The following RFT1 variants were observed in gnomAD, a reference collection of about 807,000 sequenced individuals.
The protein encoded by RFT1 is RFT1 glycolipid translocator homolog, also known as man(5)GlcNAc(2)-PP-dolichol translocation protein RFT1.
RFT1 carries 43 observed loss-of-function variants against 62.2 expected under a neutral mutation model. The ratio of observed to expected loss-of-function variants is 0.69; its 90% CI spans 0.54 to 0.89. The LOEUF is 0.89. Ranked by LOEUF, RFT1 falls within the 40% of genes least tolerant of loss-of-function variation. RFT1 has a pLI of 0.00. For missense variants in RFT1, 605 were observed against 649.9 expected (o/e 0.93, Z 0.75); for synonymous variants, 262 against 264.6 (o/e 0.99, Z 0.10).
At chr3:53,070,244 C>T in the RFT1 span, among the ~76,000 whole-genome samples, 14 of 151,884 alleles carry the variant, frequency 9.2e-5, no homozygotes, top group East Asian at 3.9e-4. Flanking sequence ...AGTGAGACCT[C>T]GTCTCTTGAA....
chr3:53,071,742 C>T, the RFT1 span, among the ~76,000 whole-genome samples: 3 of 152,188 alleles, frequency 2.0e-5, no homozygotes, highest in African/African-American at 7.2e-5. Context: ...CTGCTCAGGC[C>T]TTCCCCAGGG....
the RFT1 span, among the ~76,000 whole-genome samples, chr3:53,072,907 C>G: frequency 2.6e-5 from 4 of 152,246 alleles, no homozygotes; most frequent in African/African-American, 9.6e-5. Context: ...AGGAGCCCAC[C>G]GCCCTCTCTG....
rs1364052034 is a variant in RFT1, at chr3:53,090,512, A to G, written c.*1391T>C. The stretch of plus-strand genomic sequence containing the variant: ...AAAGCATTCTCCCTCTGAGTAGATA[A>G]AAACCTGCCAGGTGACTGGGCCCCA... On this transcript the variant is annotated 3_prime_UTR_variant, in exon 13 of 13. Coordinates refer to ENST00000296292, the MANE Select transcript of RFT1 (RefSeq NM_052859.4). The G allele has an allele frequency of 6.6e-6, 1 of 152,206 alleles. No homozygotes were observed. Among genetic ancestry groups the G allele is most frequent in the Non-Finnish European group, 1.5e-5 (1 of 68,044 alleles). The allele number at this position is 152,206 out of a possible 1,614,324, so 9.4% of individuals were successfully genotyped here.
chr3:53,115,384 C>A (rs991778488), intron 6 of RFT1, among the ~76,000 whole-genome samples: 4 of 152,142 alleles, frequency 2.6e-5, no homozygotes, highest in African/African-American at 9.7e-5. Context: ...TAAGAGACGG[C>A]AAGCTCCTCA....
At chr3:53,109,972 T>A (rs543220949) in intron 7 of RFT1, among the ~76,000 whole-genome samples, 22 of 152,172 alleles carry the variant, frequency 1.4e-4, no homozygotes, top group Admixed American at 2.6e-4. Flanking sequence ...CTAATGGCAC[T>A]CTGCCAGTCA....
At chr3:53,097,408 C>A (rs1238067365) in intron 11 of RFT1, among the ~76,000 whole-genome samples, 2 of 152,210 alleles carry the variant, frequency 1.3e-5, no homozygotes. Context: ...AGGTGAGTTA[C>A]CCCACATGGG....
Position 53,122,371 on chromosome 3 carries a change from G to C in RFT1, c.456+3C>G, listed in dbSNP as rs1296088581. On this transcript the variant is annotated splice_donor_region_variant and intron_variant, in intron 4 of 12. Transcript: ENST00000296292. ...TCCCATTCACAGCAGAAGGTGCACT[G>C]ACCTTGAGCTTCACAAACATATGTG... 2 of 1,613,446 alleles carry C rather than the reference G, an allele frequency of 1.2e-6. No homozygotes were observed. The highest frequency in any genetic ancestry group is 2.2e-5 in the South Asian group (2 of 91,054).
chr3:53,128,982 T>TC (rs1431353857), intron 1 of RFT1, among the ~76,000 whole-genome samples: 1 of 152,226 alleles, frequency 6.6e-6, no homozygotes, highest in Non-Finnish European at 1.5e-5. Flanking sequence ...TGACTCGTAG[T>TC]CCAGTGTGTT....
the RFT1 span, among the ~76,000 whole-genome samples, chr3:53,079,013 T>C: frequency 1.3e-5 from 2 of 152,356 alleles, no homozygotes; most frequent in Non-Finnish European, 2.9e-5. Context: ...GGGATCGGAA[T>C]ACAGTTCCGG....
chr3:53,107,814 C>G (rs1701530340), intron 7 of RFT1, among the ~76,000 whole-genome samples: 2 of 152,088 alleles, frequency 1.3e-5, no homozygotes, highest in South Asian at 2.1e-4. Context: ...GTGCCCACGC[C>G]CTGAAGGGCA....
the RFT1 span, among the ~76,000 whole-genome samples, chr3:53,067,082 C>A: frequency 3.0e-4 from 46 of 152,224 alleles, 1 homozygote; most frequent in Admixed American, 2.7e-3. Context: ...AATCCCAGCA[C>A]TTTGGGAGGC....
intron 7 of RFT1, among the ~76,000 whole-genome samples, chr3:53,110,013 A>G (rs1242704174): frequency 1.3e-5 from 2 of 152,094 alleles, no homozygotes; most frequent in African/African-American, 4.8e-5. Context: ...CCAACCATGG[A>G]GCAGGCTCCT....
In RFT1 at chr3:53,104,006, T is replaced by G. The variant is rs148627975; in HGVS notation, c.1049A>C (p.Tyr350Ser). ...GTAGATATCCAGAGCCAGCTGAGAA[T>G]AGGCAAAGCCAAAAACAGTGATGGT... ...GLTITVFGFAYSQLALDIYGG... is the reference protein window; with the variant it reads ...GLTITVFGFASSQLALDIYGG... Residue 350 changes from tyrosine to serine, a missense_variant, in exon 10 of 13, where the codon TAT becomes TCT. By Grantham distance (144) the Tyr-to-Ser change is moderately radical. Transcript: ENST00000296292. 1 of 1,614,188 alleles carries G rather than the reference T, an allele frequency of 6.2e-7. No individual in the cohort carries two copies. The highest frequency in any genetic ancestry group is 1.1e-5 in the South Asian group (1 of 91,084).
At chr3:53,108,441 G>A (rs1304696261) in intron 7 of RFT1, among the ~76,000 whole-genome samples, 1 of 147,524 alleles carries the variant, frequency 6.8e-6, no homozygotes, top group African/African-American at 2.5e-5. Flanking sequence ...CCAGACTGGA[G>A]TGCAGTGGCA....
the RFT1 span, among the ~76,000 whole-genome samples, chr3:53,074,973 G>C: frequency 6.6e-6 from 1 of 152,156 alleles, no homozygotes; most frequent in Non-Finnish European, 1.5e-5. Flanking sequence ...CTGGGCCCCA[G>C]CCCCAGAGTG....
rs201362371 is a variant in RFT1 at position 53,123,888 on chromosome 3, AGAGAACTTCTGG to A, written c.150-60_150-49del. 1,548 of 1,477,120 alleles carry A rather than the reference AGAGAACTTCTGG, an allele frequency of 1.0e-3. 35 individuals carry two copies. In the East Asian group the frequency reaches 0.034, roughly 33 times the overall value. 91.5% of individuals were successfully genotyped at this position (1,477,120 alleles called of 1,614,324 possible). A position where few individuals can be genotyped will look rare whatever the true frequency, so the allele number is the denominator to read the frequency against. On this transcript the variant is annotated intron_variant, in intron 2 of 12. Coordinates refer to ENST00000296292, the MANE Select transcript of RFT1 (RefSeq NM_052859.4). ...AATAAGGTCTCAAGTTTTTTCATAGAGAGAACTTCTGGGATTTTTCCAGCAACAGGGAGGAGA... is the reference window on the plus strand; with the variant it reads ...AATAAGGTCTCAAGTTTTTTCATAGAGATTTTTCCAGCAACAGGGAGGAGA...
rs778572697 is a variant in RFT1 at position 53,106,805 on chromosome 3, G to A, written c.826+14C>T. The A allele has an allele frequency of 6.3e-7, 1 of 1,588,448 alleles. No homozygotes were observed. ...GTTCACCTTTAATTAAAACACTACA[G>A]AATTTCATCTTACCCTGATCACCAA... On this transcript the variant is annotated intron_variant, in intron 8 of 12. Coordinates refer to ENST00000296292, the MANE Select transcript of RFT1 (RefSeq NM_052859.4).
At position 53,089,248 on chromosome 3, in the gene RFT1, A is replaced by G. The variant is rs148022607; in HGVS notation, c.*2655T>C. The G allele has an allele frequency of 0.013, 2,003 of 152,542 alleles. 130 individuals are homozygous for G. In the South Asian group the frequency reaches 0.18, roughly 14 times the overall value. The allele number at this position is 152,542 out of a possible 1,614,324, so 9.4% of individuals were successfully genotyped here. On this transcript the variant is annotated 3_prime_UTR_variant, in exon 13 of 13. Coordinates refer to ENST00000296292, the MANE Select transcript of RFT1 (RefSeq NM_052859.4). Reference sequence around the variant, plus strand: ...CCAGAGCCAGAAGTTGCCATCAGGTAAGCATTAAACAGCACAGCAGCAGCT... The same window carrying G: ...CCAGAGCCAGAAGTTGCCATCAGGTGAGCATTAAACAGCACAGCAGCAGCT...
chr3:53,124,838 G>A (rs191035002), intron 2 of RFT1, among the ~76,000 whole-genome samples: 100 of 152,144 alleles, frequency 6.6e-4, no homozygotes, highest in Admixed American at 2.0e-3. Context: ...CAGGTGTGGC[G>A]GTGCACACCT....
Sources: gnomAD v4.1 joint callset for allele counts (sites outside exome capture counted in the v4.1 genomes callset) on GRCh38, gnomAD v4.1.1 for gene constraint, MANE v1.5 for transcripts, NCBI Gene and HGNC (gene_info 2026-07-23, HGNC 2026-07-21) for gene names.